Variants in PCDHA11 observed in about 807,000 individuals in gnomAD.
The protein encoded by PCDHA11 is protocadherin alpha 11.
A neutral mutation model predicts 70.3 loss-of-function variants in PCDHA11; 61 were observed. The observed-to-expected ratio is 0.87, with a 90% CI of 0.71 to 1.07. The LOEUF is 1.07. Among genes scored for constraint, PCDHA11 ranks in the 50% least tolerant of loss-of-function variants. The pLI is 0.00. For synonymous variants in PCDHA11, 633 were observed against 555.1 expected (o/e 1.14, Z -1.97); for missense variants, 1,324 against 1,237.5 (o/e 1.07, Z -1.05).
At chr5:140,933,988 G>C (rs1156532752) in intron 1 of PCDHA11, among the ~76,000 whole-genome samples, 1 of 151,832 alleles carries the variant, frequency 6.6e-6, no homozygotes, top group Non-Finnish European at 1.5e-5. Context: ...CCTGGTGTTA[G>C]TGTCACCTCT....
intron 1 of PCDHA11, among the ~76,000 whole-genome samples, chr5:140,915,256 T>C (rs782716023): frequency 1.3e-5 from 2 of 152,162 alleles, no homozygotes; most frequent in Non-Finnish European, 2.9e-5. Flanking sequence ...CAGGTTGTTA[T>C]TATTTTTGAC....
chr5:140,926,903 G>GT, intron 1 of PCDHA11: 1 of 1,558,060 alleles, frequency 6.4e-7, no homozygotes, highest in Non-Finnish European at 8.7e-7. Context: ...ATGGTGGGCT[G>GT]TGGGGTGGCA....
chr5:140,967,793 G>A (rs1447753881), intron 1 of PCDHA11: 24 of 1,614,080 alleles, frequency 1.5e-5, no homozygotes, highest in Non-Finnish European at 1.9e-5. Flanking sequence ...CCGGGGTCCA[G>A]TGCCCATGGC....
At chr5:140,919,183 A>T (rs2079029188) in intron 1 of PCDHA11, among the ~76,000 whole-genome samples, 1 of 152,104 alleles carries the variant, frequency 6.6e-6, no homozygotes, top group Non-Finnish European at 1.5e-5. Context: ...TATCTTCCTG[A>T]TTGGTCCTTT....
intron 1 of PCDHA11, among the ~76,000 whole-genome samples, chr5:140,945,406 G>A (rs992531626): frequency 2.0e-4 from 30 of 151,882 alleles, no homozygotes; most frequent in East Asian, 1.2e-3. Flanking sequence ...AATACAATTC[G>A]TATCAAAATT....
chr5:140,882,966 T>C (rs201472469), intron 1 of PCDHA11: 3 of 1,614,202 alleles, frequency 1.9e-6, no homozygotes, highest in Non-Finnish European at 8.5e-7. Context: ...ATCACGATTC[T>C]GGACGTGAAT....
At chr5:140,876,153 G>T in intron 1 of PCDHA11, 2 of 1,613,964 alleles carry the variant, frequency 1.2e-6, no homozygotes, top group South Asian at 2.2e-5. Context: ...GGTCTGTCCA[G>T]ATTCAAATAA....
chr5:140,899,050 G>A (rs1554188361), intron 1 of PCDHA11, among the ~76,000 whole-genome samples: 2 of 152,016 alleles, frequency 1.3e-5, no homozygotes, highest in African/African-American at 4.8e-5. Context: ...TGTATCCTGA[G>A]ACTTTGCTGA....
chr5:140,926,754 C>A, intron 1 of PCDHA11: 1 of 1,283,492 alleles, frequency 7.8e-7, no homozygotes. Context: ...TCGGCGGTCG[C>A]TGAGTATCCA....
At chr5:140,918,970 T>C (rs1217884686) in intron 1 of PCDHA11, among the ~76,000 whole-genome samples, 1 of 152,220 alleles carries the variant, frequency 6.6e-6, no homozygotes, top group Non-Finnish European at 1.5e-5. Flanking sequence ...CAGATATCGT[T>C]TAGGTTAGTT....
intron 1 of PCDHA11, among the ~76,000 whole-genome samples, chr5:140,918,314 A>G (rs2078635890): frequency 1.3e-5 from 2 of 152,138 alleles, no homozygotes; most frequent in Admixed American, 1.3e-4. Context: ...TTTTCTAGGT[A>G]TAAAATTATA....
chr5:140,883,093 A>T (rs1035461317), intron 1 of PCDHA11: 1 of 1,614,146 alleles, frequency 6.2e-7, no homozygotes, highest in Non-Finnish European at 8.5e-7. Flanking sequence ...GTACAAATGG[A>T]GATATAGTTT....
chr5:140,950,741 C>G (rs149114023), intron 1 of PCDHA11, among the ~76,000 whole-genome samples: 2,002 of 152,118 alleles, frequency 0.013, 30 homozygotes, highest in South Asian at 0.028. Context: ...ATCCTAATTT[C>G]TCTCTATCCT....
intron 1 of PCDHA11, chr5:140,877,442 C>A: frequency 6.2e-7 from 1 of 1,613,858 alleles, no homozygotes; most frequent in South Asian, 1.1e-5. Flanking sequence ...CACGGTGAGC[C>A]CGCGCTGACG....
intron 1 of PCDHA11, among the ~76,000 whole-genome samples, chr5:140,939,634 G>C (rs1032922800): frequency 3.9e-5 from 6 of 152,066 alleles, no homozygotes; most frequent in African/African-American, 7.2e-5. Context: ...AATCAATAAG[G>C]GTACTGAAAA....
chr5:140,968,871 C>A lies in PCDHA11; in HGVS notation c.2392-10078C>A, dbSNP rs782670653. 11 of 1,614,218 alleles carry A rather than the reference C, an allele frequency of 6.8e-6. No individual in the cohort carries two copies. In the South Asian group the frequency reaches 1.2e-4, roughly 18 times the overall value. On this transcript the variant is annotated intron_variant, in intron 1 of 3. Coordinates refer to ENST00000398640, the MANE Select transcript of PCDHA11 (RefSeq NM_018902.5). ...CATGTTAAGAGCCCTCGGACATACT[C>A]TGAAATTACCCTTTATCTAATAATA...
chr5:140,957,698 A>T (rs1554223065), intron 1 of PCDHA11, among the ~76,000 whole-genome samples: 1 of 152,174 alleles, frequency 6.6e-6, no homozygotes. Flanking sequence ...AATGAACATT[A>T]TGTAGTTTTT....
At chr5:140,887,668 A>G (rs1047587717) in intron 1 of PCDHA11, among the ~76,000 whole-genome samples, 1 of 151,958 alleles carries the variant, frequency 6.6e-6, no homozygotes, top group Non-Finnish European at 1.5e-5. Context: ...CTGTGGATTT[A>G]TCATTTTCAT....
rs1262601662 is a variant in PCDHA11, at chr5:141,011,550, A to C, written c.*1613A>C. On this transcript the variant is annotated 3_prime_UTR_variant, in exon 4 of 4. Coordinates refer to ENST00000398640, the MANE Select transcript of PCDHA11 (RefSeq NM_018902.5). ...CATTGTTAATCAGCTTTTGTGTATG[A>C]AAGACACAGTAAAATTTCTTTCTTA... 6 of 153,770 alleles carry C rather than the reference A, an allele frequency of 3.9e-5. No homozygotes were observed. The highest frequency in any genetic ancestry group is 1.4e-4 in the African/African-American group (6 of 41,462). The allele number at this position is 153,770 out of a possible 1,614,324, so 9.5% of individuals were successfully genotyped here. A position where few individuals can be genotyped will look rare whatever the true frequency, so the allele number is the denominator to read the frequency against.
Sources: gnomAD v4.1 joint callset for allele counts (sites outside exome capture counted in the v4.1 genomes callset) on GRCh38, gnomAD v4.1.1 for gene constraint, MANE v1.5 for transcripts, NCBI Gene and HGNC (gene_info 2026-07-23, HGNC 2026-07-21) for gene names.